The following SPEN variants were observed in gnomAD, a reference collection of about 807,000 sequenced individuals.
SPEN encodes spen family transcriptional repressor.
SPEN carries 18 observed loss-of-function variants against 269.9 expected under a neutral mutation model. That is an observed-to-expected ratio of 0.07 (90% CI 0.05 to 0.10). The LOEUF (loss-of-function observed/expected upper bound fraction) is 0.10. SPEN is among the 10% of genes least tolerant of loss of function. The probability of loss-of-function intolerance (pLI) is 1.00; values close to 1 mark genes in which losing one functional copy is unlikely to be tolerated. For synonymous variants in SPEN, 1,726 were observed against 1,765.7 expected (o/e 0.98, Z 0.56); for missense variants, 3,822 against 4,631.2 (o/e 0.83, Z 5.07).
chr1:15,879,860 TG>T (rs1309210349), intron 3 of SPEN, among the ~76,000 whole-genome samples: 1 of 152,056 alleles, frequency 6.6e-6, no homozygotes. Context: ...TTAGTAGAGA[TG>T]GGGTTTCACC....
At position 15,939,249 on chromosome 1, in the gene SPEN, G is replaced by C. The variant is rs1391611568; in HGVS notation, c.10864-47G>C. On this transcript the variant is annotated intron_variant, in intron 14 of 14. Coordinates refer to ENST00000375759, the MANE Select transcript of SPEN (RefSeq NM_015001.3). The surrounding 1 kb of genome is among the most constrained non-coding windows in gnomAD (Gnocchi z 4.1). ...GGCTCCCCAATGGAAGTGGAGTTGT[G>C]GGGGTGAAGACAGACGGTCCCACTT... 2.0e-6 allele frequency: 3 copies of C among 1,501,574 alleles called. No homozygotes were observed. The highest frequency in any genetic ancestry group is 1.8e-6 in the Non-Finnish European group (2 of 1,121,816). 93.0% of individuals were successfully genotyped at this position (1,501,574 alleles called of 1,614,324 possible). A position where few individuals can be genotyped will look rare whatever the true frequency, so the allele number is the denominator to read the frequency against.
Position 15,935,295 on chromosome 1 carries a change from G to A in SPEN, c.9055G>A (p.Ala3019Thr), listed in dbSNP as rs142702403. Reference protein sequence around the residue: ...ADRTVSHLAAAKLDAHSPRPS... With the variant: ...ADRTVSHLAATKLDAHSPRPS... The stretch of plus-strand genomic sequence containing the variant: ...TCGAACTGTCTCCCATTTGGCAGCT[G>A]CAAAGCTAGATGCTCATTCTCCTCG... Residue 3019 changes from alanine to threonine, a missense_variant, in exon 11 of 15, where the codon GCA becomes ACA. Coordinates refer to ENST00000375759, the MANE Select transcript of SPEN (RefSeq NM_015001.3). This position sits in a 1 kb window ranked among gnomAD's most constrained non-coding sequence, Gnocchi z 7.7. 1.2e-5 allele frequency: 19 copies of A among 1,614,138 alleles called. No homozygotes were observed. The South Asian group carries it at 1.5e-4, about 13-fold the overall frequency.
chr1:15,905,905 C>CT (rs1433609332), intron 3 of SPEN, among the ~76,000 whole-genome samples: 3 of 152,136 alleles, frequency 2.0e-5, no homozygotes, highest in African/African-American at 7.2e-5. Flanking sequence ...GTAAATTTTG[C>CT]TTTTGCTCGT....
intron 13 of SPEN, 136 bp from the exon 14 acceptor site, chr1:15,938,582 T>TTC: frequency 2.2e-6 from 1 of 448,342 alleles, no homozygotes; most frequent in South Asian, 8.5e-5. Flanking sequence ...TTTTTTTTTT[T>TTC]TTCATTCAAA....
Position 15,848,903 on chromosome 1 carries a change from C to T in SPEN, c.83+753C>T, listed in dbSNP as rs144698940. Among the ~76,000 whole-genome samples, 1 of 152,094 alleles carries T rather than the reference C, an allele frequency of 6.6e-6. No individual in the cohort carries two copies. Among genetic ancestry groups the T allele is most frequent in the African/African-American group, 2.4e-5 (1 of 41,410 alleles). On this transcript the variant is annotated intron_variant, in intron 1 of 14. Coordinates refer to ENST00000375759, the MANE Select transcript of SPEN (RefSeq NM_015001.3). The surrounding 1 kb of genome is among the most constrained non-coding windows in gnomAD (Gnocchi z 5.1). ...GCCTCGGGTCGCACTCCCAGGCCGC[C>T]CTAAGACCCTGGTGCCCCCCACCCC...
intron 3 of SPEN, among the ~76,000 whole-genome samples, chr1:15,891,346 A>G (rs916831249): frequency 1.3e-5 from 2 of 149,580 alleles, no homozygotes; most frequent in Non-Finnish European, 3.0e-5. Context: ...CACCACACTT[A>G]GCTAAATTTT....
intron 1 of SPEN, among the ~76,000 whole-genome samples, chr1:15,855,387 C>T (rs1023631790): frequency 5.9e-5 from 9 of 152,034 alleles, no homozygotes; most frequent in African/African-American, 2.2e-4. Flanking sequence ...TTAAAATTGA[C>T]TAAAAGTGAT....
At chr1:15,855,553 A>G (rs1416903952) in intron 1 of SPEN, among the ~76,000 whole-genome samples, 4 of 152,184 alleles carry the variant, frequency 2.6e-5, no homozygotes, top group East Asian at 1.9e-4. Flanking sequence ...CTGAACCAGT[A>G]ATTTTTTTAA....
chr1:15,862,448 T>C (rs1156475073), intron 1 of SPEN, among the ~76,000 whole-genome samples: 1 of 152,022 alleles, frequency 6.6e-6, no homozygotes, highest in African/African-American at 2.4e-5. Flanking sequence ...TCTTGCAGTA[T>C]AAACTCCTGT....
intron 3 of SPEN, among the ~76,000 whole-genome samples, chr1:15,881,297 G>A (rs2070685003): frequency 6.6e-6 from 1 of 152,148 alleles, no homozygotes; most frequent in African/African-American, 2.4e-5. Context: ...TGCAGAGAGG[G>A]CCATTAAAAG....
chr1:15,899,733 T>C (rs1163917871), intron 3 of SPEN, among the ~76,000 whole-genome samples: 1 of 152,040 alleles, frequency 6.6e-6, no homozygotes, highest in Non-Finnish European at 1.5e-5. Context: ...TTATTTGCCA[T>C]TTATATATCT....
At chr1:15,893,391 CTTGGACTGTAGCT>C (rs1186783029) in intron 3 of SPEN, among the ~76,000 whole-genome samples, 1 of 152,138 alleles carries the variant, frequency 6.6e-6, no homozygotes, top group African/African-American at 2.4e-5. Flanking sequence ...GTGGAGCCAT[CTTGGACTGTAGCT>C]TTGTATCTGT....
intron 5 of SPEN, among the ~76,000 whole-genome samples, chr1:15,912,674 T>C (rs1252874362): frequency 6.6e-6 from 1 of 152,188 alleles, no homozygotes; most frequent in African/African-American, 2.4e-5. Context: ...GGATAATAGG[T>C]TAAGCCTTCA....
chr1:15,885,068 A>G (rs2070724363), intron 3 of SPEN, among the ~76,000 whole-genome samples: 1 of 152,140 alleles, frequency 6.6e-6, no homozygotes, highest in Non-Finnish European at 1.5e-5. Context: ...CAAATTAATA[A>G]TTAGTGATCA....
intron 3 of SPEN, among the ~76,000 whole-genome samples, chr1:15,905,491 G>A (rs2070947099): frequency 6.6e-6 from 1 of 152,032 alleles, no homozygotes; most frequent in Non-Finnish European, 1.5e-5. Flanking sequence ...CAAAGTGCTG[G>A]GATTACAGGT....
rs771978973 is a variant in SPEN at position 15,939,319 on chromosome 1, C to T, written c.10887C>T (p.Phe3629=). ...SNQPAYVLQI[F]PPCEFSESHL... is the part of the protein sequence containing the mutation. The stretch of plus-strand genomic sequence containing the variant: ...AGCCTGCCTACGTGCTGCAGATCTT[C>T]CCGCCCTGTGAGTTCTCTGAGAGTC... The change falls in exon 15 of 15, where the codon TTC becomes TTT. Residue 3629 remains phenylalanine (F), a synonymous_variant. Coordinates refer to ENST00000375759, the MANE Select transcript of SPEN (RefSeq NM_015001.3). This position sits in a 1 kb window ranked among gnomAD's most constrained non-coding sequence, Gnocchi z 4.1. 2 of 1,600,874 alleles carry T rather than the reference C, an allele frequency of 1.2e-6. No homozygotes were observed. Among genetic ancestry groups the T allele is most frequent in the Non-Finnish European group, 1.7e-6 (2 of 1,173,330 alleles).
chr1:15,919,749 C>T (rs2071098878), intron 8 of SPEN, among the ~76,000 whole-genome samples: 1 of 152,168 alleles, frequency 6.6e-6, no homozygotes, highest in Admixed American at 6.5e-5. Context: ...AAACTATTCT[C>T]ATAGTATAAA....
chr1:15,907,253 G>T (rs1244138853), intron 3 of SPEN, among the ~76,000 whole-genome samples: 1 of 152,104 alleles, frequency 6.6e-6, no homozygotes, highest in East Asian at 1.9e-4. Flanking sequence ...AGGCTGAGGT[G>T]GGCGGATCAC....
At chr1:15,873,272 G>A in intron 2 of SPEN, 136 bp downstream of exon 2, 1 of 1,401,782 alleles carries the variant, frequency 7.1e-7, no homozygotes, top group Non-Finnish European at 9.3e-7. Context: ...GGAAACGGAA[G>A]TGATTTATAT....
Sources: gnomAD v4.1 joint callset for allele counts (sites outside exome capture counted in the v4.1 genomes callset) on GRCh38, gnomAD v4.1.1 for gene constraint, Gnocchi (gnomAD v3.1) non-coding constraint, MANE v1.5 for transcripts, NCBI Gene and HGNC (gene_info 2026-07-23, HGNC 2026-07-21) for gene names.